The following GSG1L variants were observed in gnomAD, a reference collection of about 807,000 sequenced individuals.
The protein encoded by GSG1L is germ cell-specific gene 1-like protein.
A neutral mutation model predicts 42.1 loss-of-function variants in GSG1L; 24 were observed. The observed-to-expected ratio is 0.57, with a 90% confidence interval of 0.41 to 0.80. The LOEUF is 0.80. Among genes scored for constraint, GSG1L ranks in the 30% least tolerant of loss-of-function variants. GSG1L has a pLI of 0.00. For missense variants in GSG1L, 445 were observed against 472.2 expected (o/e 0.94, Z 0.53); for synonymous variants, 215 against 203.5 (o/e 1.06, Z -0.48).
At chr16:27,806,568 T>C (rs1162922606) in intron 6 of GSG1L, among the ~76,000 whole-genome samples, 3 of 152,104 alleles carry the variant, frequency 2.0e-5, no homozygotes, top group Admixed American at 2.0e-4. Flanking sequence ...CTCAGGGGGA[T>C]CCCACTCCAG....
chr16:28,049,035 G>C (rs1219981277), intron 1 of GSG1L, among the ~76,000 whole-genome samples: 1 of 152,164 alleles, frequency 6.6e-6, no homozygotes, highest in Non-Finnish European at 1.5e-5. Context: ...CGCAGTCTCA[G>C]TACAGATCCT....
At chr16:28,038,600 G>A (rs895562002) in intron 1 of GSG1L, among the ~76,000 whole-genome samples, 1 of 152,028 alleles carries the variant, frequency 6.6e-6, no homozygotes, top group Non-Finnish European at 1.5e-5. Flanking sequence ...CTGTCTCCAT[G>A]GTTACCCTGA....
In GSG1L at chr16:27,826,392, G is replaced by C. The variant is rs552357459; in HGVS notation, c.830+2397C>G. Among the ~76,000 whole-genome samples, 10 of 152,202 alleles carry C rather than the reference G, an allele frequency of 6.6e-5. 1 individual carries two copies. Among genetic ancestry groups the C allele is most frequent in the African/African-American group, 2.4e-4 (10 of 41,520 alleles). On this transcript the variant is annotated intron_variant, in intron 5 of 6. Transcript: ENST00000447459. ...CCTGCAGCCTCCTGTCCCCTTCCTC[G>C]TCCTCGTCCTCTGCTGAGCCCTGAG...
At chr16:27,909,778 A>T (rs1347832577) in intron 2 of GSG1L, among the ~76,000 whole-genome samples, 2 of 151,358 alleles carry the variant, frequency 1.3e-5, no homozygotes, top group African/African-American at 4.9e-5. Flanking sequence ...AGTAGCTGGA[A>T]CTACATGCGT....
intron 1 of GSG1L, among the ~76,000 whole-genome samples, chr16:28,056,200 G>A (rs1170496863): frequency 6.6e-6 from 1 of 151,980 alleles, no homozygotes; most frequent in East Asian, 1.9e-4. Flanking sequence ...ACTCACAATA[G>A]CAAAGACTTG....
rs2086318628 is a variant in GSG1L, at chr16:28,059,573, C to T, written c.349+3503G>A. On this transcript the variant is annotated intron_variant, in intron 1 of 6. Coordinates refer to ENST00000447459, the MANE Select transcript of GSG1L (RefSeq NM_001109763.2). This position sits in a 1 kb window ranked among gnomAD's most constrained non-coding sequence, Gnocchi z 4.4. ...ATGTGGACGTCACCTGTGCTCCCAG[C>T]TGGCACAAGCTCCCACCTGCCCCAC... Among the ~76,000 whole-genome samples, 1 of 151,986 alleles carries T rather than the reference C, an allele frequency of 6.6e-6. No homozygotes were observed. Among genetic ancestry groups the T allele is most frequent in the South Asian group, 2.1e-4 (1 of 4,812 alleles).
rs765737125 is a variant in GSG1L, at chr16:27,791,374, A to T, written c.992T>A (p.Val331Glu). 7 of 1,430,172 alleles carry T rather than the reference A, an allele frequency of 4.9e-6. No homozygotes were observed. In the Middle Eastern group the frequency reaches 1.6e-3, roughly 322 times the overall value. The allele number at this position is 1,430,172 out of a possible 1,614,324, so 88.6% of individuals were successfully genotyped here. A position where few individuals can be genotyped will look rare whatever the true frequency, so the allele number is the denominator to read the frequency against. ...NRQCWVLGHW[V>E] is the part of the protein sequence containing the mutation. ...CGGGCCAGGTTGAGGTCTTGGTCAC[A>T]CCCAGTGCCCCAAGACCCAGCACTG... Residue 331 changes from valine to glutamate, a missense_variant, in exon 7 of 7, where the codon GTG becomes GAG. Physicochemically the swap from Val to Glu is moderately radical, Grantham distance 121. Transcript: ENST00000447459.
chr16:27,980,601 G>A (rs564284131), intron 1 of GSG1L, among the ~76,000 whole-genome samples: 40 of 152,194 alleles, frequency 2.6e-4, no homozygotes, highest in Non-Finnish European at 4.1e-4. Flanking sequence ...AACTGAGGCT[G>A]GCTGGGCACG....
At chr16:27,883,994 G>A (rs2083995492) in intron 3 of GSG1L, among the ~76,000 whole-genome samples, 1 of 152,102 alleles carries the variant, frequency 6.6e-6, no homozygotes, top group Admixed American at 6.6e-5. Flanking sequence ...TTGATCATTC[G>A]ACTTCCCATG....
chr16:28,032,376 A>G (rs2085975134), intron 1 of GSG1L, among the ~76,000 whole-genome samples: 1 of 152,230 alleles, frequency 6.6e-6, no homozygotes, highest in South Asian at 2.1e-4. Context: ...AAAACGAATA[A>G]CAAACACGAA....
intron 2 of GSG1L, among the ~76,000 whole-genome samples, chr16:27,951,072 A>G (rs1446316178): frequency 6.6e-6 from 1 of 152,078 alleles, no homozygotes; most frequent in Non-Finnish European, 1.5e-5. Context: ...GCATCAAGGG[A>G]TACTGACGAC....
chr16:27,791,988 A>C (rs116670053), intron 6 of GSG1L, among the ~76,000 whole-genome samples: 1 of 151,132 alleles, frequency 6.6e-6, no homozygotes, highest in Non-Finnish European at 1.5e-5. Context: ...ACGTTCACTC[A>C]CCTCACATAA....
intron 1 of GSG1L, among the ~76,000 whole-genome samples, chr16:28,043,621 G>C (rs2086133503): frequency 6.6e-6 from 1 of 152,234 alleles, no homozygotes; most frequent in South Asian, 2.1e-4. Flanking sequence ...CACTTAAAAT[G>C]TAAAAGTGTA....
At chr16:27,915,411 T>C (rs2084442591) in intron 2 of GSG1L, among the ~76,000 whole-genome samples, 1 of 152,048 alleles carries the variant, frequency 6.6e-6, no homozygotes, top group Non-Finnish European at 1.5e-5. Flanking sequence ...TGTGGAGCCA[T>C]AAATAAAGAT....
At position 28,026,264 on chromosome 16, in the gene GSG1L, T is replaced by G. The variant is rs561728317; in HGVS notation, c.349+36812A>C. Among the ~76,000 whole-genome samples, 10 of 152,222 alleles carry G rather than the reference T, an allele frequency of 6.6e-5. No homozygotes were observed. The East Asian group carries it at 1.9e-3, about 29-fold the overall frequency. On this transcript the variant is annotated intron_variant, in intron 1 of 6. Coordinates refer to ENST00000447459, the MANE Select transcript of GSG1L (RefSeq NM_001109763.2). The stretch of plus-strand genomic sequence containing the variant: ...ATCACGGGAGCTCAGTCACTGTGTG[T>G]GACTGAATGAACAGCAGCAAGCTTA...
At chr16:27,807,200 C>G (rs1448482935) in intron 6 of GSG1L, among the ~76,000 whole-genome samples, 1 of 152,220 alleles carries the variant, frequency 6.6e-6, no homozygotes, top group African/African-American at 2.4e-5. Context: ...CAGTGGCTAA[C>G]CCAGGCCTGG....
At chr16:27,809,589 A>C (rs892338432) in intron 5 of GSG1L, among the ~76,000 whole-genome samples, 6 of 151,168 alleles carry the variant, frequency 4.0e-5, no homozygotes, top group Non-Finnish European at 8.9e-5. Context: ...AAAAAAAAAA[A>C]AACCAATCAT....
At chr16:27,941,359 A>C (rs1337809417) in intron 2 of GSG1L, among the ~76,000 whole-genome samples, 2 of 151,610 alleles carry the variant, frequency 1.3e-5, no homozygotes, top group African/African-American at 4.8e-5. Context: ...CTAAGCTATG[A>C]GGTTGCAAAG....
chr16:27,887,362 G>C (rs1401199214), intron 2 of GSG1L, among the ~76,000 whole-genome samples: 2 of 152,204 alleles, frequency 1.3e-5, no homozygotes, highest in Non-Finnish European at 2.9e-5. Context: ...CCAGTGCCAA[G>C]AGAGGCAGAG....
Sources: gnomAD v4.1 joint callset for allele counts (sites outside exome capture counted in the v4.1 genomes callset) on GRCh38, gnomAD v4.1.1 for gene constraint, Gnocchi (gnomAD v3.1) non-coding constraint, MANE v1.5 for transcripts, NCBI Gene and HGNC (gene_info 2026-07-23, HGNC 2026-07-21) for gene names.